Variants in ZNF709 observed in about 807,000 individuals in gnomAD.
ZNF709 encodes zinc finger protein 709.
A neutral mutation model predicts 10.6 loss-of-function variants in ZNF709; 15 were observed. That is an observed-to-expected ratio of 1.41 (90% CI 0.95 to 2.18). ZNF709 has a LOEUF of 2.18. Ranked by LOEUF, ZNF709 falls within the 30% of genes most tolerant of loss-of-function variation. The pLI is 0.00. For missense variants in ZNF709, 589 were observed against 774.0 expected, an observed-to-expected ratio of 0.76 and a Z score of 2.84; for synonymous variants, 194 against 238.8, an observed-to-expected ratio of 0.81 and a Z score of 1.73.
chr19:12,470,508 A>G (rs1970626161), intron 1 of ZNF709, among the ~76,000 whole-genome samples: 1 of 152,132 alleles, frequency 6.6e-6, no homozygotes, highest in Non-Finnish European at 1.5e-5. Context: ...TAAATGCCTG[A>G]GGGTATATAT....
At chr19:12,469,595 T>C (rs1458674970) in intron 1 of ZNF709, among the ~76,000 whole-genome samples, 4 of 151,940 alleles carry the variant, frequency 2.6e-5, no homozygotes, top group African/African-American at 4.8e-5. Context: ...GGTGAAACCC[T>C]GTCTCTACTA....
At chr19:12,468,908 T>C (rs1970609070) in intron 1 of ZNF709, among the ~76,000 whole-genome samples, 2 of 151,994 alleles carry the variant, frequency 1.3e-5, no homozygotes, top group Non-Finnish European at 2.9e-5. Context: ...TGGCGCGATC[T>C]CAGCTCACTG....
rs775728551 is a variant in ZNF709 at position 12,465,701 on chromosome 19, T to C, written c.221A>G (p.Lys74Arg). The C allele has an allele frequency of 2.5e-6, 4 of 1,600,210 alleles. No homozygotes were observed. In the South Asian group the frequency reaches 3.4e-5, roughly 14 times the overall value. The change falls in exon 4 of 4, where the codon AAA (lysine) becomes AGA (arginine). Residue 74 changes from lysine (K) to arginine (R), a missense_variant. Lys to Arg is a conservative substitution (Grantham distance 26). Around this residue, in one of 2 missense-constraint regions of ZNF709, gnomAD observed 418 missense variants for 496.3 expected, o/e 0.84. Transcript: ENST00000397732. ...SHMVERLCERKEGSQFGETIS... is the reference protein window; with the variant it reads ...SHMVERLCERREGSQFGETIS... ...GGTTTCTCCAAACTGACTACCTTCT[T>C]TCCTTTCACAGAGCCTCTCTACCAT...
Position 12,462,108 on chromosome 19 carries a change from GGAAA to G in ZNF709, c.*1884_*1887del, listed in dbSNP as rs916977657. 2.0e-5 allele frequency: 3 copies of G among 151,914 alleles called. No individual in the cohort carries two copies. The highest frequency in any genetic ancestry group is 4.8e-5 in the African/African-American group (2 of 41,288). The allele number at this position is 151,914 out of a possible 1,614,324, so 9.4% of individuals were successfully genotyped here. A position where few individuals can be genotyped will look rare whatever the true frequency, so the allele number is the denominator to read the frequency against. On this transcript the variant is annotated 3_prime_UTR_variant, in exon 4 of 4. Coordinates refer to ENST00000397732, the MANE Select transcript of ZNF709 (RefSeq NM_152601.4). The stretch of plus-strand genomic sequence containing the variant: ...GTAAAGAAAGAAAAGAAAGGGAAAG[GGAAA>G]GAAAGAAGGAAGGAAGGAAGGAAAA...
rs1240546407 is a variant in ZNF709 at position 12,465,329 on chromosome 19, C to T, written c.593G>A (p.Cys198Tyr). The change falls in exon 4 of 4, where the codon TGT becomes TAT. Residue 198 changes from cysteine (C) to tyrosine (Y), a missense_variant. This residue lies in a region of ZNF709 where 418 missense variants were observed against 496.3 expected (regional missense o/e 0.84). Coordinates refer to ENST00000397732, the MANE Select transcript of ZNF709 (RefSeq NM_152601.4). The stretch of plus-strand genomic sequence containing the variant: ...AATGAAGGCCTTCCCACATTCCTTA[C>T]ATTCATAAGGTTTCTCTCCAGTATG... ...RTHTGEKPYE[C>Y]KECGKAFIYH... 2 of 1,612,864 alleles carry T rather than the reference C, an allele frequency of 1.2e-6. No individual in the cohort carries two copies. The highest frequency in any genetic ancestry group is 1.7e-6 in the Non-Finnish European group (2 of 1,179,580).
chr19:12,466,488 A>C lies in ZNF709; in HGVS notation c.162T>G (p.Asp54Glu), dbSNP rs201272425. 165 of 1,613,888 alleles carry C rather than the reference A, an allele frequency of 1.0e-4. No homozygotes were observed. The highest frequency in any genetic ancestry group is 4.2e-5 in the Non-Finnish European group (50 of 1,180,004). ...TTAGCTTTCTCCCCTGATTTTTGTGATCTTCAATGTTCTTCTCCTCCCAGT... is the reference window on the plus strand; with the variant it reads ...TTAGCTTTCTCCCCTGATTTTTGTGCTCTTCAATGTTCTTCTCCTCCCAGT... ...GENWEEKNIE[D>E]HKNQGRKLRS... is the part of the protein sequence containing the mutation. The change falls in exon 3 of 4, where the codon GAT becomes GAG. Residue 54 changes from aspartate (D) to glutamate (E), a missense_variant. Coordinates refer to ENST00000397732, the MANE Select transcript of ZNF709 (RefSeq NM_152601.4).
chr19:12,472,777 G>C (rs1308169893), intron 1 of ZNF709, among the ~76,000 whole-genome samples: 1 of 151,794 alleles, frequency 6.6e-6, no homozygotes, highest in Non-Finnish European at 1.5e-5. Flanking sequence ...TGGCTACTCA[G>C]GTAGCCAAGA....
rs1970529709 is a variant in ZNF709 at position 12,462,938 on chromosome 19, A to T, written c.*1058T>A. On this transcript the variant is annotated 3_prime_UTR_variant, in exon 4 of 4. Transcript: ENST00000397732. ...GTATAAGAGCTTACAGAATTATCTCATCTCAGTGTTCTTTTGTGAAAGTAA... is the reference window on the plus strand; with the variant it reads ...GTATAAGAGCTTACAGAATTATCTCTTCTCAGTGTTCTTTTGTGAAAGTAA... 1.3e-5 allele frequency: 2 copies of T among 152,212 alleles called. No homozygotes were observed. The highest frequency in any genetic ancestry group is 4.8e-5 in the African/African-American group (2 of 41,458). 9.4% of individuals were successfully genotyped at this position (152,212 alleles called of 1,614,324 possible).
In ZNF709 at chr19:12,465,570, TAAGAGATG is replaced by T; in HGVS notation, c.344_351del (p.Ser115Ter). 7 of 1,613,950 alleles carry T rather than the reference TAAGAGATG, an allele frequency of 4.3e-6. No individual in the cohort carries two copies. Among genetic ancestry groups the T allele is most frequent in the Non-Finnish European group, 5.9e-6 (7 of 1,179,986 alleles). On this transcript the variant is annotated frameshift_variant, in exon 4 of 4. Coordinates refer to ENST00000397732, the MANE Select transcript of ZNF709 (RefSeq NM_152601.4). LOFTEE classifies it low-confidence loss of function (END_TRUNC). ...TCAGTATGAGATCTCATGTGCCTAT[TAAGAGATG>T]AATGACACATATAGTCCTTTCCACA...
chr19:12,468,468 G>A (rs1599632903), intron 1 of ZNF709, among the ~76,000 whole-genome samples: 1 of 151,896 alleles, frequency 6.6e-6, no homozygotes, highest in Non-Finnish European at 1.5e-5. Flanking sequence ...TGCAAGATGT[G>A]CTTTGGTAAA....
At chr19:12,478,203 T>A (rs1457658769) in intron 1 of ZNF709, among the ~76,000 whole-genome samples, 1 of 152,184 alleles carries the variant, frequency 6.6e-6, no homozygotes. Flanking sequence ...TGGCAGGTAG[T>A]CTTTCCCATG....
chr19:12,468,855 T>C (rs1279024622), intron 1 of ZNF709, among the ~76,000 whole-genome samples: 1 of 152,132 alleles, frequency 6.6e-6, no homozygotes, highest in East Asian at 1.9e-4. Context: ...GATTTTTTTT[T>C]TTTGAGACAG....
intron 1 of ZNF709, among the ~76,000 whole-genome samples, chr19:12,467,906 G>A (rs929919313): frequency 4.6e-5 from 7 of 151,848 alleles, no homozygotes; most frequent in Admixed American, 6.6e-5. Flanking sequence ...ATCTCCGCCC[G>A]GCAGCCACCC....
chr19:12,467,786 G>A (rs1025683280), intron 1 of ZNF709, among the ~76,000 whole-genome samples: 3 of 151,188 alleles, frequency 2.0e-5, no homozygotes, highest in East Asian at 3.9e-4. Context: ...GCCTCTGCCC[G>A]GCCGCGACCC....
chr19:12,484,707 A>G lies in ZNF709; in HGVS notation c.-50T>C, dbSNP rs1327033487. On this transcript the variant is annotated 5_prime_UTR_variant, in exon 1 of 4. Transcript: ENST00000397732. ...TGTTCTGTTTACCTCTCCCGCGGCC[A>G]GCACAGGTCCTACCTCCACCTGAGG... The G allele has an allele frequency of 6.2e-7, 1 of 1,613,428 alleles. No homozygotes were observed. The highest frequency in any genetic ancestry group is 1.3e-5 in the African/African-American group (1 of 74,846).
At chr19:12,482,003 GAAGGAAAGGAAAGGGA>G (rs1301138184) in intron 1 of ZNF709, among the ~76,000 whole-genome samples, 6 of 119,614 alleles carry the variant, frequency 5.0e-5, no homozygotes, top group Non-Finnish European at 1.1e-4. Context: ...AGGAAAGGAA[GAAGGAAAGGAAAGGGA>G]AAGGAAAGCC....
chr19:12,477,632 A>G (rs1181754469), intron 1 of ZNF709, among the ~76,000 whole-genome samples: 1 of 152,212 alleles, frequency 6.6e-6, no homozygotes, highest in Non-Finnish European at 1.5e-5. Flanking sequence ...GTATTGGCTA[A>G]TCCTATAGTG....
chr19:12,467,699 C>T (rs1298643784), intron 1 of ZNF709, among the ~76,000 whole-genome samples: 5 of 151,506 alleles, frequency 3.3e-5, no homozygotes, highest in Non-Finnish European at 7.4e-5. Flanking sequence ...AAGTGAGGAG[C>T]GTCTCTGCCC....
At chr19:12,477,881 G>A (rs1970689503) in intron 1 of ZNF709, among the ~76,000 whole-genome samples, 1 of 152,064 alleles carries the variant, frequency 6.6e-6, no homozygotes, top group Non-Finnish European at 1.5e-5. Flanking sequence ...CTACAGGGGA[G>A]GGGTGTTCTT....
Sources: allele counts gnomAD v4.1 joint callset (sites outside exome capture counted in the v4.1 genomes callset), GRCh38; gene constraint gnomAD v4.1.1; regional missense constraint gnomAD v4.1.1; transcripts MANE v1.5; gene names NCBI Gene and HGNC (gene_info 2026-07-23, HGNC 2026-07-21).